Variants in CNOT10 observed in about 807,000 individuals in gnomAD.
CNOT10 encodes CCR4-NOT transcription complex subunit 10.
CNOT10 carries 30 observed loss-of-function variants against 94.6 expected under a neutral mutation model. That is an observed-to-expected ratio of 0.32 (90% CI 0.24 to 0.43). CNOT10 has a LOEUF of 0.43. Among genes scored for constraint, CNOT10 ranks in the 20% least tolerant of loss-of-function variants. The pLI, the probability that CNOT10 is intolerant of heterozygous loss-of-function variation, is 1.00. For synonymous variants in CNOT10, 289 were observed against 301.6 expected, an observed-to-expected ratio of 0.96 and a Z score of 0.43; for missense variants, 759 against 877.2, an observed-to-expected ratio of 0.87 and a Z score of 1.70.
chr3:32,691,741 A>G (rs1696857313), intron 1 of CNOT10, among the ~76,000 whole-genome samples: 1 of 152,212 alleles, frequency 6.6e-6, no homozygotes, highest in Non-Finnish European at 1.5e-5. Context: ...AGTTTAGACA[A>G]TTCATGTTTT....
chr3:32,717,059 CTA>C (rs1698156789), intron 6 of CNOT10, 93 bp from the exon 7 acceptor site: 2 of 641,030 alleles, frequency 3.1e-6, no homozygotes, highest in Middle Eastern at 3.5e-4. Flanking sequence ...ATTAGTGTAA[CTA>C]TGTTGTAAAT....
chr3:32,732,411 A>G (rs1699000297), intron 10 of CNOT10, among the ~76,000 whole-genome samples: 1 of 151,496 alleles, frequency 6.6e-6, no homozygotes, highest in South Asian at 2.1e-4. Context: ...CCCTGTCTCT[A>G]AAAAAAATAA....
chr3:32,711,476 A>G (rs578169187), intron 4 of CNOT10, among the ~76,000 whole-genome samples: 36 of 152,198 alleles, frequency 2.4e-4, no homozygotes, highest in African/African-American at 7.9e-4. Flanking sequence ...AACATTTTCA[A>G]TCTGAGGTTG....
intron 8 of CNOT10, among the ~76,000 whole-genome samples, chr3:32,721,534 G>GT (rs1018004125): frequency 2.1e-4 from 29 of 137,962 alleles, no homozygotes; most frequent in African/African-American, 5.6e-4. Flanking sequence ...CATAAAGCCA[G>GT]TTAATAATAT....
intron 13 of CNOT10, among the ~76,000 whole-genome samples, chr3:32,743,995 G>A (rs919190976): frequency 2.6e-5 from 4 of 152,128 alleles, no homozygotes; most frequent in African/African-American, 7.2e-5. Context: ...AACAGTACAA[G>A]ATGGAAGGAG....
chr3:32,767,773 T>C (rs1268922907), intron 17 of CNOT10, among the ~76,000 whole-genome samples: 2 of 152,058 alleles, frequency 1.3e-5, no homozygotes, highest in East Asian at 3.9e-4. Context: ...AGTTAAAATG[T>C]TTCACTCTTC....
intron 11 of CNOT10, among the ~76,000 whole-genome samples, chr3:32,734,025 C>T (rs1278920331): frequency 2.6e-5 from 4 of 152,086 alleles, no homozygotes; most frequent in African/African-American, 9.7e-5. Flanking sequence ...TTGGAATTGC[C>T]ATTATTTGTA....
chr3:32,704,031 A>C, intron 2 of CNOT10, 69 bp downstream of exon 2: 1 of 917,232 alleles, frequency 1.1e-6, no homozygotes. Context: ...TTTCATAGTG[A>C]ATTTTTAAAT....
At chr3:32,712,337 A>G (rs1697931744) in intron 4 of CNOT10, among the ~76,000 whole-genome samples, 1 of 152,222 alleles carries the variant, frequency 6.6e-6, no homozygotes, top group Admixed American at 6.5e-5. Context: ...GAAAAGTTAA[A>G]TGATGTACAG....
chr3:32,700,853 A>T (rs1697309216), intron 1 of CNOT10, among the ~76,000 whole-genome samples: 1 of 152,262 alleles, frequency 6.6e-6, no homozygotes, highest in East Asian at 1.9e-4. Context: ...TATTTCCATT[A>T]GTGGTGCATG....
intron 1 of CNOT10, among the ~76,000 whole-genome samples, chr3:32,689,524 T>C (rs992883625): frequency 1.3e-5 from 2 of 152,090 alleles, no homozygotes; most frequent in African/African-American, 4.8e-5. Flanking sequence ...GCAACAAATA[T>C]GCAAATGTAC....
At chr3:32,707,020 A>G (rs938034261) in intron 3 of CNOT10, among the ~76,000 whole-genome samples, 10 of 152,234 alleles carry the variant, frequency 6.6e-5, no homozygotes, top group African/African-American at 2.2e-4. Flanking sequence ...CCATTAGTCA[A>G]ACCAAGGCTG....
intron 13 of CNOT10, among the ~76,000 whole-genome samples, chr3:32,754,394 A>T (rs1364510310): frequency 7.5e-6 from 1 of 133,098 alleles, no homozygotes. Context: ...GGAGAATGGC[A>T]TGAACCTGGG....
At position 32,704,813 on chromosome 3, in the gene CNOT10, T is replaced by C; in HGVS notation, c.120T>C (p.Ser40=). ...TGTGTGTGGTTTTTTTTTTTTAGTCTGGAAATTATGATGCCTGTCTACAAC... is the reference window on the plus strand; with the variant it reads ...TGTGTGTGGTTTTTTTTTTTTAGTCCGGAAATTATGATGCCTGTCTACAAC... ...LSTNAFQAFT[S]GNYDACLQHL... is the part of the protein sequence containing the mutation. The change falls in exon 3 of 19, where the codon TCT becomes TCC. Residue 40 remains serine, a splice_region_variant and synonymous_variant. Transcript: ENST00000328834. 1.3e-6 allele frequency: 2 copies of C among 1,561,530 alleles called. No homozygotes were observed. Among genetic ancestry groups the C allele is most frequent in the Admixed American group, 2.3e-5 (1 of 44,204 alleles).
At chr3:32,753,317 T>G in intron 13 of CNOT10, 1 of 1,068,360 alleles carries the variant, frequency 9.4e-7, no homozygotes, top group South Asian at 1.2e-5. Context: ...GACTCATCAG[T>G]CAAAAATCAG....
intron 1 of CNOT10, among the ~76,000 whole-genome samples, chr3:32,689,245 C>T (rs1240883456): frequency 2.6e-5 from 4 of 151,320 alleles, no homozygotes; most frequent in Non-Finnish European, 4.4e-5. Flanking sequence ...CCCAGCTACT[C>T]GGGAGGCTGA....
chr3:32,721,429 C>CTTTTTTTTTTTTTTTT (rs58351356), intron 8 of CNOT10, among the ~76,000 whole-genome samples: 1 of 72,594 alleles, frequency 1.4e-5, no homozygotes, highest in African/African-American at 5.7e-5. Flanking sequence ...TTTCTTTCAT[C>CTTTTTTTTTTTTTTTT]TTTTTTTTTT....
chr3:32,730,979 T>G (rs1698917475), intron 10 of CNOT10: 1 of 152,234 alleles, frequency 6.6e-6, no homozygotes, highest in Non-Finnish European at 1.5e-5. Context: ...TTCCATTCCA[T>G]CGTGGGCCAG....
At chr3:32,685,618 C>A in intron 1 of CNOT10, 136 bp downstream of exon 1, 1 of 940,674 alleles carries the variant, frequency 1.1e-6, no homozygotes, top group Non-Finnish European at 1.6e-6. Context: ...TTACCCCATC[C>A]TCTGTCTCGG....
Sources: allele counts gnomAD v4.1 joint callset (sites outside exome capture counted in the v4.1 genomes callset), GRCh38; gene constraint gnomAD v4.1.1; transcripts MANE v1.5; gene names NCBI Gene and HGNC (gene_info 2026-07-23, HGNC 2026-07-21).